The following ARHGAP22 variants were observed in gnomAD, a reference collection of about 807,000 sequenced individuals.
The protein encoded by ARHGAP22 is Rho GTPase activating protein 22, also known as rho GTPase-activating protein 22.
ARHGAP22 carries 48 observed loss-of-function variants against 59.1 expected under a neutral mutation model. The ratio of observed to expected loss-of-function variants is 0.81; its 90% confidence interval spans 0.64 to 1.03. ARHGAP22 has a LOEUF of 1.03. Ranked by LOEUF, ARHGAP22 falls within the 50% of genes least tolerant of loss-of-function variation. The pLI, the probability that ARHGAP22 is intolerant of heterozygous loss-of-function variation, is 0.00. For synonymous variants in ARHGAP22, 445 were observed against 416.4 expected, an observed-to-expected ratio of 1.07 and a Z score of -0.84; for missense variants, 1,015 against 958.7, an observed-to-expected ratio of 1.06 and a Z score of -0.78.
At chr10:48,434,456 T>A in the ARHGAP22 span, among the ~76,000 whole-genome samples, 1 of 152,344 alleles carries the variant, frequency 6.6e-6, no homozygotes, top group African/African-American at 2.4e-5. Flanking sequence ...GACTTTTTTG[T>A]AGGGAAGTAG....
At chr10:48,655,025 T>C (rs1041882220), upstream of ARHGAP22, among the ~76,000 whole-genome samples, 1 of 60,290 alleles carries the variant, frequency 1.7e-5, no homozygotes, top group African/African-American at 6.4e-5. Context: ...TTTCTTTCTT[T>C]CTTTCATTCT....
chr10:48,582,476 A>G (rs1473219904), intron 2 of ARHGAP22, among the ~76,000 whole-genome samples: 1 of 152,212 alleles, frequency 6.6e-6, no homozygotes, highest in Non-Finnish European at 1.5e-5. Flanking sequence ...AAAGGCAGAT[A>G]TTTAAAGCAC....
intron 2 of ARHGAP22, among the ~76,000 whole-genome samples, chr10:48,580,279 A>G (rs2059025442): frequency 6.6e-6 from 1 of 152,132 alleles, no homozygotes; most frequent in Non-Finnish European, 1.5e-5. Flanking sequence ...GAGGATGTGG[A>G]GGTCTGGAAA....
At chr10:48,548,451 T>A (rs1218743890) in intron 3 of ARHGAP22, among the ~76,000 whole-genome samples, 3 of 152,206 alleles carry the variant, frequency 2.0e-5, no homozygotes, top group African/African-American at 7.2e-5. Context: ...CCCACTTGGT[T>A]CCCTTCAATA....
At chr10:48,485,618 G>A (rs111226113) in intron 3 of ARHGAP22, among the ~76,000 whole-genome samples, 1 of 152,082 alleles carries the variant, frequency 6.6e-6, no homozygotes, top group African/African-American at 2.4e-5. Context: ...TATAATTTTA[G>A]ATTTGTCTAT....
At chr10:48,556,906 C>T (rs906837820) in intron 2 of ARHGAP22, among the ~76,000 whole-genome samples, 1 of 152,148 alleles carries the variant, frequency 6.6e-6, no homozygotes, top group Non-Finnish European at 1.5e-5. Flanking sequence ...GTACACACCC[C>T]CAATATTTTC....
At chr10:48,524,197 G>A (rs1207149224) in intron 3 of ARHGAP22, 5 of 903,538 alleles carry the variant, frequency 5.5e-6, no homozygotes, top group Admixed American at 5.8e-5. Context: ...CACGGGCAGT[G>A]CCCAGCTGGG....
rs921121702 is a variant in ARHGAP22, at chr10:48,507,014, C to A, written c.323-27250G>T. On this transcript the variant is annotated intron_variant, in intron 3 of 9. Transcript: ENST00000249601. Reference sequence around the variant, plus strand: ...GCCTCTCAGGGCCTCCCACGCCCCCCACCAGTACCCCAGCAAGATAGGGTT... The same window carrying A: ...GCCTCTCAGGGCCTCCCACGCCCCCAACCAGTACCCCAGCAAGATAGGGTT... Among the ~76,000 whole-genome samples the A allele has an allele frequency of 3.3e-5, 5 of 152,216 alleles. No individual in the cohort carries two copies. In the East Asian group the frequency reaches 7.7e-4, roughly 23 times the overall value.
At chr10:48,555,318 C>T (rs913132906) in intron 3 of ARHGAP22, 145 bp downstream of exon 3, 7 of 691,464 alleles carry the variant, frequency 1.0e-5, no homozygotes, top group Admixed American at 7.7e-5. Flanking sequence ...AGTATGCTGT[C>T]GATTTGGCCC....
At chr10:48,451,201 G>A (rs1206420451) in intron 8 of ARHGAP22, 61 bp from the exon 9 acceptor site, 1 of 1,546,838 alleles carries the variant, frequency 6.5e-7, no homozygotes, top group South Asian at 1.2e-5. Flanking sequence ...GGCTCGCTCT[G>A]CCAGTCATGG....
intron 3 of ARHGAP22, among the ~76,000 whole-genome samples, chr10:48,542,991 G>A (rs2056103117): frequency 6.6e-6 from 1 of 152,198 alleles, no homozygotes; most frequent in Admixed American, 6.5e-5. Flanking sequence ...CCTCAGCAGA[G>A]CAGCACGGTC....
At chr10:48,633,307 A>G (rs977678805) in intron 1 of ARHGAP22, among the ~76,000 whole-genome samples, 3 of 152,252 alleles carry the variant, frequency 2.0e-5, no homozygotes, top group Non-Finnish European at 2.9e-5. Flanking sequence ...CAGTGACTGC[A>G]TGCTGGAGAA....
At chr10:48,654,522 G>A (rs1027241611), upstream of ARHGAP22, among the ~76,000 whole-genome samples, 11 of 152,202 alleles carry the variant, frequency 7.2e-5, no homozygotes, top group Admixed American at 5.9e-4. Flanking sequence ...GCTTGGCTTC[G>A]TAAAAGCCAC....
chr10:48,518,251 T>C (rs1188289919), intron 3 of ARHGAP22, among the ~76,000 whole-genome samples: 1 of 152,098 alleles, frequency 6.6e-6, no homozygotes, highest in Non-Finnish European at 1.5e-5. Context: ...AGCCCACCAC[T>C]GCCTTCAAAG....
At chr10:48,461,179 A>C (rs539166036) in intron 4 of ARHGAP22, among the ~76,000 whole-genome samples, 14 of 149,748 alleles carry the variant, frequency 9.3e-5, no homozygotes, top group African/African-American at 3.3e-4. Context: ...TTAGAAGACA[A>C]AAAAAATCAT....
chr10:48,565,763 GC>G (rs1377847811), intron 2 of ARHGAP22, among the ~76,000 whole-genome samples: 1 of 152,132 alleles, frequency 6.6e-6, no homozygotes, highest in Non-Finnish European at 1.5e-5. Context: ...TACACTAGGG[GC>G]CTATATAAAT....
intron 3 of ARHGAP22, among the ~76,000 whole-genome samples, chr10:48,542,833 TG>T (rs2056086347): frequency 6.6e-6 from 1 of 151,962 alleles, no homozygotes; most frequent in African/African-American, 2.4e-5. Flanking sequence ...CCACTGCAGG[TG>T]GGGTAGCAGG....
intron 3 of ARHGAP22, among the ~76,000 whole-genome samples, chr10:48,554,660 C>A (rs1178047387): frequency 7.0e-6 from 1 of 143,118 alleles, no homozygotes; most frequent in Non-Finnish European, 1.5e-5. Context: ...TTCTCAAGGA[C>A]TTGGGGGGTG....
intron 3 of ARHGAP22, among the ~76,000 whole-genome samples, chr10:48,550,930 C>T (rs1471471554): frequency 1.3e-5 from 2 of 152,196 alleles, no homozygotes; most frequent in African/African-American, 2.4e-5. Context: ...TTAAGGATCT[C>T]TCCAATCCTT....
Sources: gnomAD v4.1 joint callset for allele counts (sites outside exome capture counted in the v4.1 genomes callset) on GRCh38, gnomAD v4.1.1 for gene constraint, MANE v1.5 for transcripts, NCBI Gene and HGNC (gene_info 2026-07-23, HGNC 2026-07-21) for gene names.